The following DMXL2 variants were observed in gnomAD, a reference collection of about 807,000 sequenced individuals.
DMXL2 encodes the protein dmX-like protein 2.
Under a neutral mutation model 331.1 loss-of-function variants are expected in DMXL2, and 103 were observed. That is an observed-to-expected ratio of 0.31 (90% CI 0.27 to 0.37). The LOEUF (loss-of-function observed/expected upper bound fraction) is 0.37, where lower values mean the gene tolerates loss of function less well. Among genes scored for constraint, DMXL2 ranks in the 10% least tolerant of loss-of-function variants. The pLI, the probability that DMXL2 is intolerant of heterozygous loss-of-function variation, is 1.00. For missense variants in DMXL2, 3,171 were observed against 3,642.9 expected (o/e 0.87, Z 3.33); for synonymous variants, 1,281 against 1,252.1 (o/e 1.02, Z -0.49).
intron 1 of DMXL2, among the ~76,000 whole-genome samples, chr15:51,604,523 A>G (rs1022692281): frequency 6.6e-6 from 1 of 152,208 alleles, no homozygotes; most frequent in East Asian, 1.9e-4. Context: ...CCATTTTAAC[A>G]TAGGTCTGAA....
rs557980978 is a variant in DMXL2 at position 51,610,071 on chromosome 15, C to T, written c.87+12388G>A. ...CTGTATTTGGAAGAACGATCTGAAA[C>T]GTAACTATGCAGAAAAGTTGAAGTA... On this transcript the variant is annotated intron_variant, in intron 1 of 43. Coordinates refer to ENST00000560891, the MANE Select transcript of DMXL2 (RefSeq NM_001378457.1). 6.6e-5 allele frequency among the ~76,000 whole-genome samples: 10 copies of T among 152,138 alleles called. No individual in the cohort carries two copies. In the South Asian group the frequency reaches 1.0e-3, roughly 16 times the overall value.
chr15:51,551,732 T>C (rs1306165864), intron 6 of DMXL2, among the ~76,000 whole-genome samples: 11 of 152,202 alleles, frequency 7.2e-5, no homozygotes, highest in Admixed American at 6.5e-4. Context: ...GAAGCCACTA[T>C]GTGAATGGCT....
At chr15:51,533,366 A>G (rs2048112755) in intron 13 of DMXL2, among the ~76,000 whole-genome samples, 1 of 152,140 alleles carries the variant, frequency 6.6e-6, no homozygotes, top group Admixed American at 6.5e-5. Context: ...GTAGACTATG[A>G]GAGGTTAAAG....
chr15:51,499,949 T>A lies in DMXL2; in HGVS notation c.3275A>T (p.His1092Leu). The A allele has an allele frequency of 6.2e-7, 1 of 1,614,032 alleles. No individual in the cohort carries two copies. The highest frequency in any genetic ancestry group is 1.1e-5 in the South Asian group (1 of 91,078). Residue 1092 changes from histidine (H) to leucine (L), a missense_variant, in exon 18 of 44, where the codon CAT (histidine) becomes CTT (leucine). By Grantham distance (99) the His-to-Leu change is moderately conservative. Around this residue, in one of 7 missense-constraint regions of DMXL2, gnomAD observed 1,674 missense variants for 1,780.2 expected, o/e 0.94. Transcript: ENST00000560891. ...AAATTCTTTAGAAACAAAACCATTATGGTGGATAGGCTGCTTATAAGCCAC... is the reference window on the plus strand; with the variant it reads ...AAATTCTTTAGAAACAAAACCATTAAGGTGGATAGGCTGCTTATAAGCCAC... ...LAVAYKQPIH[H>L]NGFVSKEFSM...
At chr15:51,468,971 G>A (rs2040849599) in intron 29 of DMXL2, among the ~76,000 whole-genome samples, 1 of 152,088 alleles carries the variant, frequency 6.6e-6, no homozygotes, top group Non-Finnish European at 1.5e-5. Flanking sequence ...GAGAGAGAGA[G>A]AGAGAGAGAG....
intron 13 of DMXL2, among the ~76,000 whole-genome samples, chr15:51,525,767 C>A (rs1377990922): frequency 1.3e-5 from 2 of 152,004 alleles, no homozygotes; most frequent in Non-Finnish European, 1.5e-5. Context: ...TGAGTACCAG[C>A]TCGGCCACAG....
At chr15:51,613,067 T>C (rs2054080433) in intron 1 of DMXL2, among the ~76,000 whole-genome samples, 1 of 152,268 alleles carries the variant, frequency 6.6e-6, no homozygotes, top group African/African-American at 2.4e-5. Flanking sequence ...TCTCCCTTGT[T>C]CCCTGAACAT....
At chr15:51,495,634 T>C (rs1350718797) in intron 18 of DMXL2, among the ~76,000 whole-genome samples, 8 of 152,164 alleles carry the variant, frequency 5.3e-5, no homozygotes, top group Non-Finnish European at 1.2e-4. Flanking sequence ...CTAGTTAGTG[T>C]TACATGGTTA....
intron 1 of DMXL2, among the ~76,000 whole-genome samples, chr15:51,583,382 T>C (rs1274736918): frequency 1.2e-5 from 1 of 81,420 alleles, no homozygotes; most frequent in African/African-American, 4.6e-5. Flanking sequence ...CGGTGTTTGG[T>C]TTTTTGTTCT....
At chr15:51,456,964 G>T (rs563385762) in intron 37 of DMXL2, among the ~76,000 whole-genome samples, 1 of 152,116 alleles carries the variant, frequency 6.6e-6, no homozygotes, top group Non-Finnish European at 1.5e-5. Context: ...TTGAGCCCAG[G>T]AGTTCGAGAA....
chr15:51,597,075 A>G (rs564489662), intron 1 of DMXL2, among the ~76,000 whole-genome samples: 16 of 152,294 alleles, frequency 1.1e-4, no homozygotes, highest in African/African-American at 3.9e-4. Context: ...GTATAATAAT[A>G]ATAATAAAAA....
At position 51,599,864 on chromosome 15, in the gene DMXL2, T is replaced by C. The variant is rs551817504; in HGVS notation, c.87+22595A>G. 2.6e-5 allele frequency among the ~76,000 whole-genome samples: 4 copies of C among 152,322 alleles called. No homozygotes were observed. The South Asian group carries it at 8.3e-4, about 32-fold the overall frequency. ...ACAGGCACGTGCCAACATGCCCAGCTAATTTTTTGTATTTTTAGTAGAGAC... is the reference window on the plus strand; with the variant it reads ...ACAGGCACGTGCCAACATGCCCAGCCAATTTTTTGTATTTTTAGTAGAGAC... On this transcript the variant is annotated intron_variant, in intron 1 of 43. Coordinates refer to ENST00000560891, the MANE Select transcript of DMXL2 (RefSeq NM_001378457.1).
At chr15:51,612,584 A>T (rs2054045406) in intron 1 of DMXL2, among the ~76,000 whole-genome samples, 1 of 152,196 alleles carries the variant, frequency 6.6e-6, no homozygotes, top group African/African-American at 2.4e-5. Flanking sequence ...GATTTTCAAA[A>T]GGGGAGGGAG....
rs1201873123 is a variant in DMXL2, at chr15:51,476,726, C to T, written c.6834-7G>A. Reference sequence around the variant, plus strand: ...ATTTCCTTCTGTTTGACTGCTAAAACAAATAGGTTCAGTTATTTATCATCC... The same window carrying T: ...ATTTCCTTCTGTTTGACTGCTAAAATAAATAGGTTCAGTTATTTATCATCC... On this transcript the variant is annotated splice_polypyrimidine_tract_variant and splice_region_variant and intron_variant, in intron 26 of 43. Transcript: ENST00000560891. 8 of 1,591,170 alleles carry T rather than the reference C, an allele frequency of 5.0e-6. No homozygotes were observed. The highest frequency in any genetic ancestry group is 6.8e-6 in the Non-Finnish European group (8 of 1,174,220).
chr15:51,469,060 G>A lies in DMXL2; in HGVS notation c.7392+2163C>T, dbSNP rs1396102752. On this transcript the variant is annotated intron_variant, in intron 29 of 43. Transcript: ENST00000560891. ...TGAATCATATTTTAGATCCTGATTT[G>A]AACAAATCAACTATATAAAAACATT... Among the ~76,000 whole-genome samples, 3 of 152,214 alleles carry A rather than the reference G, an allele frequency of 2.0e-5. No individual in the cohort carries two copies. The East Asian group carries it at 5.8e-4, about 29-fold the overall frequency.
In DMXL2 at chr15:51,538,393, C is replaced by A; in HGVS notation, c.1165G>T (p.Val389Leu). The A allele has an allele frequency of 6.2e-7, 1 of 1,613,016 alleles. No individual in the cohort carries two copies. The highest frequency in any genetic ancestry group is 8.5e-7 in the Non-Finnish European group (1 of 1,179,138). ...TCCTTGTTGTTTAACCAATGAACTA[C>A]AAAGCCCCCATTTCCATCATCAACA... is the stretch of plus-strand genomic sequence containing the variant. ...FNVDDGNGGF[V>L]VHWLNNKEFH... Residue 389 changes from valine (V) to leucine (L), a missense_variant, in exon 10 of 44, where the codon GTA (valine) becomes TTA (leucine). Val to Leu is a conservative substitution (Grantham distance 32, BLOSUM62 1). Transcript: ENST00000560891.
At chr15:51,466,478 A>G (rs1023268558) in intron 29 of DMXL2, 167 bp from the exon 30 acceptor site, 10 of 219,096 alleles carry the variant, frequency 4.6e-5, no homozygotes. Context: ...CAGCATAAGT[A>G]AAAATTTTCT....
intron 31 of DMXL2, among the ~76,000 whole-genome samples, chr15:51,465,080 G>C (rs145913905): frequency 5.5e-4 from 83 of 152,276 alleles, no homozygotes; most frequent in African/African-American, 1.9e-3. Context: ...TGTGTAGAGA[G>C]TGATTCTTGA....
At chr15:51,475,714 C>G (rs896864270) in intron 27 of DMXL2, among the ~76,000 whole-genome samples, 3 of 152,042 alleles carry the variant, frequency 2.0e-5, no homozygotes, top group Admixed American at 1.3e-4. Flanking sequence ...AGTGGGACAA[C>G]TGGCAAAATT....
Sources: gnomAD v4.1 joint callset for allele counts (sites outside exome capture counted in the v4.1 genomes callset) on GRCh38, gnomAD v4.1.1 for gene constraint, gnomAD v4.1.1 regional missense constraint, MANE v1.5 for transcripts, NCBI Gene and HGNC (gene_info 2026-07-23, HGNC 2026-07-21) for gene names.